The following CDH13 variants were observed in gnomAD, a reference collection of about 807,000 sequenced individuals.
CDH13 encodes cadherin-13.
CDH13 carries 24 observed loss-of-function variants against 63.8 expected under a neutral mutation model. The ratio of observed to expected loss-of-function variants is 0.38; its 90% CI spans 0.27 to 0.53. CDH13 has a LOEUF of 0.53. Among genes scored for constraint, CDH13 ranks in the 20% least tolerant of loss-of-function variants. The probability of loss-of-function intolerance (pLI) is 0.85; values close to 1 mark genes in which losing one functional copy is unlikely to be tolerated. For missense variants in CDH13, 1,049 were observed against 903.1 expected, an observed-to-expected ratio of 1.16 and a Z score of -2.07; for synonymous variants, 503 against 355.3, an observed-to-expected ratio of 1.42 and a Z score of -4.67.
rs1014469453 is a variant in CDH13 at position 83,776,805 on chromosome 16, C to G, written c.1682-3163C>G. Among the ~76,000 whole-genome samples, 7 of 152,332 alleles carry G rather than the reference C, an allele frequency of 4.6e-5. 1 individual carries two copies. The highest frequency in any genetic ancestry group is 3.4e-3 in the Middle Eastern group (1 of 294). ...CTCTCCTGCAAAACTAGCATCTGCT[C>G]TTTAAACTTTGGGGTCTCTCAGGAT... On this transcript the variant is annotated intron_variant, in intron 11 of 13. Transcript: ENST00000567109.
chr16:82,977,420 A>G (rs75054756), intron 2 of CDH13, among the ~76,000 whole-genome samples: 2,560 of 152,294 alleles, frequency 0.017, 46 homozygotes, highest in African/African-American at 0.052. Context: ...TGTAGTTCCC[A>G]TAATCCCCAC....
intron 1 of CDH13, among the ~76,000 whole-genome samples, chr16:82,713,624 T>C (rs564357947): frequency 1.3e-5 from 2 of 152,146 alleles, no homozygotes; most frequent in South Asian, 4.2e-4. Flanking sequence ...GTCTTGTACA[T>C]AGAATATTGT....
At chr16:82,847,457 G>A (rs771110415) in intron 1 of CDH13, among the ~76,000 whole-genome samples, 1 of 152,062 alleles carries the variant, frequency 6.6e-6, no homozygotes, top group Non-Finnish European at 1.5e-5. Flanking sequence ...CAGCAATGTG[G>A]GGCTGAGTTC....
At chr16:82,684,666 C>CT (rs2150965718) in intron 1 of CDH13, among the ~76,000 whole-genome samples, 1 of 151,972 alleles carries the variant, frequency 6.6e-6, no homozygotes, top group African/African-American at 2.4e-5. Context: ...GGTTCCATAG[C>CT]ATGGAACTGT....
At chr16:83,791,968 C>T (rs1029349329) in intron 13 of CDH13, among the ~76,000 whole-genome samples, 3 of 152,216 alleles carry the variant, frequency 2.0e-5, no homozygotes, top group Non-Finnish European at 2.9e-5. Flanking sequence ...TTTTATACCA[C>T]GCCCTAGTCA....
At chr16:83,773,963 T>C (rs1758296703) in intron 11 of CDH13, among the ~76,000 whole-genome samples, 1 of 152,130 alleles carries the variant, frequency 6.6e-6, no homozygotes, top group Non-Finnish European at 1.5e-5. Flanking sequence ...CATGGTCTTG[T>C]AGCTGGAAGA....
chr16:82,995,578 C>G (rs957071533), intron 2 of CDH13, among the ~76,000 whole-genome samples: 4 of 152,292 alleles, frequency 2.6e-5, no homozygotes, highest in Admixed American at 2.6e-4. Context: ...CCAACCTAGA[C>G]TCTTAAATAA....
chr16:83,222,340 G>C (rs950097010), intron 5 of CDH13, among the ~76,000 whole-genome samples: 2 of 152,136 alleles, frequency 1.3e-5, no homozygotes, highest in African/African-American at 4.8e-5. Flanking sequence ...TTTTGTTAAT[G>C]TGGCTCTACC....
At chr16:82,697,955 T>C (rs1208216575) in intron 1 of CDH13, among the ~76,000 whole-genome samples, 1 of 152,146 alleles carries the variant, frequency 6.6e-6, no homozygotes, top group Non-Finnish European at 1.5e-5. Flanking sequence ...GGATGTAATC[T>C]ACCCCATAGA....
intron 6 of CDH13, among the ~76,000 whole-genome samples, chr16:83,359,691 C>T (rs999193327): frequency 3.3e-5 from 5 of 152,156 alleles, no homozygotes; most frequent in East Asian, 1.9e-4. Flanking sequence ...GAATTAGAAA[C>T]AGTGTGCTCT....
intron 1 of CDH13, among the ~76,000 whole-genome samples, chr16:82,834,668 C>A (rs2038690598): frequency 6.6e-6 from 1 of 152,144 alleles, no homozygotes; most frequent in African/African-American, 2.4e-5. Flanking sequence ...CCCTTGTCTG[C>A]CTGATAAATG....
At chr16:82,776,362 C>G (rs1438928605) in intron 1 of CDH13, among the ~76,000 whole-genome samples, 5 of 152,244 alleles carry the variant, frequency 3.3e-5, no homozygotes, top group South Asian at 4.2e-4. Context: ...GTGAGACTAT[C>G]AAGGCCTGCA....
intron 1 of CDH13, among the ~76,000 whole-genome samples, chr16:82,666,536 C>T (rs1355895781): frequency 2.0e-5 from 3 of 152,184 alleles, no homozygotes; most frequent in Admixed American, 1.3e-4. Context: ...AAGGGGAAAG[C>T]ACACACTTTG....
chr16:83,489,312 A>G (rs1434071619), intron 7 of CDH13, among the ~76,000 whole-genome samples: 3 of 152,184 alleles, frequency 2.0e-5, no homozygotes, highest in Non-Finnish European at 4.4e-5. Context: ...TGAATTAAGC[A>G]TTTCTAGTCA....
chr16:83,070,866 C>T (rs965912165), intron 3 of CDH13, among the ~76,000 whole-genome samples: 2 of 145,560 alleles, frequency 1.4e-5, no homozygotes, highest in South Asian at 2.4e-4. Flanking sequence ...CCCCCCCCCC[C>T]CCAAATATCA....
At chr16:82,772,670 G>A (rs2035317477) in intron 1 of CDH13, among the ~76,000 whole-genome samples, 1 of 152,184 alleles carries the variant, frequency 6.6e-6, no homozygotes, top group Non-Finnish European at 1.5e-5. Context: ...GCCCTAGGAG[G>A]TAGATTTCAT....
chr16:82,891,367 C>G (rs12935090), intron 2 of CDH13, among the ~76,000 whole-genome samples: 8,255 of 152,188 alleles, frequency 0.054, 317 homozygotes, highest in Non-Finnish European at 0.086. Flanking sequence ...TTTTAAATTT[C>G]TGTTCTGGAG....
intron 2 of CDH13, among the ~76,000 whole-genome samples, chr16:82,941,324 T>C (rs145269832): frequency 6.6e-6 from 1 of 151,414 alleles, no homozygotes; most frequent in Non-Finnish European, 1.5e-5. Flanking sequence ...GAAATCTAGA[T>C]AGCGTTGGAC....
intron 7 of CDH13, among the ~76,000 whole-genome samples, chr16:83,564,523 C>G (rs1484867902): frequency 6.6e-6 from 1 of 151,798 alleles, no homozygotes; most frequent in Non-Finnish European, 1.5e-5. Context: ...ATTCTCCTGC[C>G]TCAGTCTGCT....
Sources: allele counts gnomAD v4.1 joint callset (sites outside exome capture counted in the v4.1 genomes callset), GRCh38; gene constraint gnomAD v4.1.1; transcripts MANE v1.5; gene names NCBI Gene and HGNC (gene_info 2026-07-23, HGNC 2026-07-21).